Variants in ADAMTSL1 observed in about 807,000 individuals in gnomAD.
ADAMTSL1 encodes ADAMTS-like protein 1.
ADAMTSL1 carries 126 observed loss-of-function variants against 201.8 expected under a neutral mutation model. The ratio of observed to expected loss-of-function variants is 0.62; its 90% CI spans 0.54 to 0.72. ADAMTSL1 has a LOEUF of 0.72. ADAMTSL1 is among the 30% of genes least tolerant of loss of function. The probability of loss-of-function intolerance (pLI) is 0.00; values close to 1 mark genes in which losing one functional copy is unlikely to be tolerated. For synonymous variants in ADAMTSL1, 1,121 were observed against 903.4 expected (o/e 1.24, Z -4.32); for missense variants, 2,679 against 2,277.8 (o/e 1.18, Z -3.59).
chr9:18,629,913 A>G (rs1018921019), intron 5 of ADAMTSL1, among the ~76,000 whole-genome samples: 15 of 152,194 alleles, frequency 9.9e-5, no homozygotes, highest in Non-Finnish European at 2.2e-4. Context: ...ATGGAACACC[A>G]TTATAGTAAC....
chr9:18,345,817 AC>A (rs1835687724), intron 2 of ADAMTSL1, among the ~76,000 whole-genome samples: 1 of 152,014 alleles, frequency 6.6e-6, no homozygotes, highest in African/African-American at 2.4e-5. Flanking sequence ...ACAACACAGA[AC>A]CCTGAGCTGC....
intron 23 of ADAMTSL1, among the ~76,000 whole-genome samples, chr9:18,836,520 G>A (rs1825317899): frequency 6.6e-6 from 1 of 152,108 alleles, no homozygotes; most frequent in Non-Finnish European, 1.5e-5. Flanking sequence ...ATAGTTTGAA[G>A]TTGGGTGGCA....
At chr9:18,177,707 GCT>G (rs889199011) in intron 2 of ADAMTSL1, among the ~76,000 whole-genome samples, 1 of 152,142 alleles carries the variant, frequency 6.6e-6, no homozygotes, top group Non-Finnish European at 1.5e-5. Flanking sequence ...GTGCATATTA[GCT>G]GGCTTGTAAG....
intron 7 of ADAMTSL1, among the ~76,000 whole-genome samples, chr9:18,650,640 G>T (rs957121243): frequency 6.6e-6 from 1 of 152,152 alleles, no homozygotes; most frequent in African/African-American, 2.4e-5. Flanking sequence ...GTGAGCAATT[G>T]TTATATATTG....
chr9:18,777,527 C>G lies in ADAMTSL1; in HGVS notation c.3298C>G (p.Leu1100Val). ...GCTGCGCGACCTCTACAGCAAGCACCTGGTGGCCCAGCTGGCCCAGGAGAT... is the reference window on the plus strand; with the variant it reads ...GCTGCGCGACCTCTACAGCAAGCACGTGGTGGCCCAGCTGGCCCAGGAGAT... ...EELRDLYSKH[L>V]VAQLAQEIFR... The change falls in exon 19 of 29, where the codon CTG becomes GTG. Residue 1100 changes from leucine (L) to valine (V), a missense_variant. By Grantham distance (32) the Leu-to-Val change is conservative. Coordinates refer to ENST00000380548, the MANE Select transcript of ADAMTSL1 (RefSeq NM_001040272.6). The G allele has an allele frequency of 1.2e-6, 2 of 1,602,390 alleles. No individual in the cohort carries two copies. Among genetic ancestry groups the G allele is most frequent in the African/African-American group, 1.3e-5 (1 of 74,766 alleles).
At chr9:18,128,575 C>T (rs4571825) in intron 1 of ADAMTSL1, among the ~76,000 whole-genome samples, 60,691 of 151,886 alleles carry the variant, frequency 0.4, 13,249 homozygotes, top group South Asian at 0.49. Context: ...CCTCCCAAAG[C>T]GCTGGGATTA....
chr9:18,108,212 T>A (rs1042585748), intron 1 of ADAMTSL1, among the ~76,000 whole-genome samples: 22 of 146,518 alleles, frequency 1.5e-4, no homozygotes, highest in African/African-American at 5.9e-4. Context: ...TTTTTTTTTT[T>A]TTTTTTGAAA....
chr9:18,430,699 TTG>T (rs1819449313), intron 2 of ADAMTSL1, among the ~76,000 whole-genome samples: 1 of 152,158 alleles, frequency 6.6e-6, no homozygotes, highest in African/African-American at 2.4e-5. Flanking sequence ...GGCCAATCCA[TTG>T]TCTTTCAACT....
At chr9:17,997,364 T>C (rs10810879) in intron 1 of ADAMTSL1, among the ~76,000 whole-genome samples, 65,610 of 151,838 alleles carry the variant, frequency 0.43, 14,381 homozygotes, top group African/African-American at 0.51. Context: ...AATGGACTGG[T>C]GTTGGTTGTG....
chr9:18,892,924 G>C (rs1026489249), intron 26 of ADAMTSL1, among the ~76,000 whole-genome samples: 1 of 151,680 alleles, frequency 6.6e-6, no homozygotes, highest in Admixed American at 6.6e-5. Flanking sequence ...AACAATCACC[G>C]GCGACTTTCT....
chr9:18,080,166 G>A (rs893231102), intron 1 of ADAMTSL1, among the ~76,000 whole-genome samples: 2 of 152,208 alleles, frequency 1.3e-5, no homozygotes, highest in Non-Finnish European at 2.9e-5. Flanking sequence ...TGCAGATTAA[G>A]CTGGAAATAG....
In ADAMTSL1 at chr9:18,176,054, G is replaced by C. The variant is rs1019476211; in HGVS notation, c.207+12073G>C. On this transcript the variant is annotated intron_variant, in intron 2 of 29. Coordinates refer to the ADAMTSL1 transcript ENST00000680146. ...AAAAAGGCAAACAAAGGTTTCGTTTGGCTAGAGGTGCAGTTGGACACAAGG... is the reference window on the plus strand; with the variant it reads ...AAAAAGGCAAACAAAGGTTTCGTTTCGCTAGAGGTGCAGTTGGACACAAGG... 2.7e-5 allele frequency among the ~76,000 whole-genome samples: 4 copies of C among 148,030 alleles called. No individual in the cohort carries two copies. The South Asian group carries it at 6.5e-4, about 24-fold the overall frequency.
At chr9:18,396,472 AT>A (rs1410819774) in intron 2 of ADAMTSL1, among the ~76,000 whole-genome samples, 1 of 148,710 alleles carries the variant, frequency 6.7e-6, no homozygotes, top group East Asian at 1.9e-4. Flanking sequence ...TATTAATTAA[AT>A]TTTATATTAA....
At chr9:18,297,419 C>T (rs937885562) in intron 2 of ADAMTSL1, among the ~76,000 whole-genome samples, 10 of 150,610 alleles carry the variant, frequency 6.6e-5, no homozygotes, top group African/African-American at 2.4e-4. Flanking sequence ...TTGTCATTTC[C>T]TGCCTGGAGA....
intron 15 of ADAMTSL1, among the ~76,000 whole-genome samples, chr9:18,747,346 G>C (rs962988761): frequency 3.9e-5 from 6 of 152,108 alleles, no homozygotes; most frequent in African/African-American, 1.4e-4. Flanking sequence ...GGTAAGCTAA[G>C]TTCTGGGCTC....
At chr9:18,829,226 T>C (rs991093823) in intron 22 of ADAMTSL1, among the ~76,000 whole-genome samples, 11 of 152,220 alleles carry the variant, frequency 7.2e-5, no homozygotes, top group African/African-American at 2.4e-4. Flanking sequence ...CCTTGTAAGA[T>C]TCTGAATGAT....
At chr9:18,002,912 A>C (rs1819669994) in intron 1 of ADAMTSL1, among the ~76,000 whole-genome samples, 1 of 152,054 alleles carries the variant, frequency 6.6e-6, no homozygotes, top group South Asian at 2.1e-4. Flanking sequence ...AAGTCCATTC[A>C]CTTGCTATTA....
intron 8 of ADAMTSL1, among the ~76,000 whole-genome samples, chr9:18,659,047 A>G (rs1412550549): frequency 2.6e-5 from 4 of 152,230 alleles, no homozygotes; most frequent in Admixed American, 2.6e-4. Context: ...TTCTAACGTA[A>G]TGGATATAAA....
chr9:18,429,948 C>T (rs2133397799), intron 2 of ADAMTSL1, among the ~76,000 whole-genome samples: 1 of 152,026 alleles, frequency 6.6e-6, no homozygotes, highest in African/African-American at 2.4e-5. Context: ...TGCCACGACA[C>T]CCAGCTAGTT....
Sources: gnomAD v4.1 joint callset for allele counts (sites outside exome capture counted in the v4.1 genomes callset) on GRCh38, gnomAD v4.1.1 for gene constraint, MANE v1.5 for transcripts, NCBI Gene and HGNC (gene_info 2026-07-23, HGNC 2026-07-21) for gene names.